Variants in C10orf90 observed in about 807,000 individuals in gnomAD.
C10orf90 encodes the protein (E2-independent) E3 ubiquitin-conjugating enzyme FATS.
C10orf90 carries 56 observed loss-of-function variants against 62.5 expected under a neutral mutation model. That is an observed-to-expected ratio of 0.90 (90% CI 0.72 to 1.12). The LOEUF is 1.12. C10orf90 is among the 50% of genes most tolerant of loss of function. C10orf90 has a pLI of 0.00. For missense variants in C10orf90, 970 were observed against 880.4 expected, an observed-to-expected ratio of 1.10 and a Z score of -1.29; for synonymous variants, 386 against 340.4, an observed-to-expected ratio of 1.13 and a Z score of -1.47.
chr10:126,565,553 T>C (rs1034630310), intron 2 of C10orf90, among the ~76,000 whole-genome samples: 1 of 149,358 alleles, frequency 6.7e-6, no homozygotes, highest in Non-Finnish European at 1.5e-5. Context: ...CCCTTCATTA[T>C]TAGCATCTGG....
At chr10:126,566,221 T>C (rs922758254) in intron 2 of C10orf90, among the ~76,000 whole-genome samples, 10 of 152,184 alleles carry the variant, frequency 6.6e-5, no homozygotes, top group African/African-American at 2.4e-5. Context: ...GATGGGGTTA[T>C]AGAATGGATC....
At chr10:126,579,196 A>C (rs1180354657) in intron 2 of C10orf90, among the ~76,000 whole-genome samples, 3 of 152,100 alleles carry the variant, frequency 2.0e-5, no homozygotes, top group Admixed American at 6.6e-5. Context: ...AGCCTTATCA[A>C]TCATTTACAT....
intron 4 of C10orf90, among the ~76,000 whole-genome samples, chr10:126,481,155 C>T (rs973586233): frequency 2.0e-5 from 3 of 152,222 alleles, no homozygotes; most frequent in Non-Finnish European, 2.9e-5. Context: ...CAGATCTTGG[C>T]TGAAATGTCA....
chr10:126,537,349 T>C (rs568519895), intron 2 of C10orf90, among the ~76,000 whole-genome samples: 1 of 152,346 alleles, frequency 6.6e-6, no homozygotes, highest in South Asian at 2.1e-4. Flanking sequence ...ACAGGTGGAA[T>C]GAGACAGTTT....
intron 2 of C10orf90, among the ~76,000 whole-genome samples, chr10:126,617,158 G>T (rs976367046): frequency 1.3e-5 from 2 of 152,162 alleles, no homozygotes; most frequent in African/African-American, 4.8e-5. Context: ...GTGTGGCGGG[G>T]TGAATTTTCT....
intron 1 of C10orf90, among the ~76,000 whole-genome samples, chr10:126,660,007 T>A (rs545898657): frequency 5.9e-5 from 9 of 152,386 alleles, no homozygotes; most frequent in Non-Finnish European, 8.8e-5. Context: ...CTTTGCCTCA[T>A]GGAGCTCCCA....
At chr10:126,667,559 C>A (rs1846656599) in intron 1 of C10orf90, among the ~76,000 whole-genome samples, 2 of 152,136 alleles carry the variant, frequency 1.3e-5, no homozygotes, top group African/African-American at 4.8e-5. Context: ...GCATCTCAGC[C>A]TGCACCTACC....
At chr10:126,461,343 T>A (rs1403858535) in intron 6 of C10orf90, 58 bp downstream of exon 6, 5 of 1,583,726 alleles carry the variant, frequency 3.2e-6, no homozygotes, top group Non-Finnish European at 4.3e-6. Context: ...GCTCACGGAC[T>A]CCCTAGGAAA....
At chr10:126,565,258 T>TA (rs1844337217) in intron 2 of C10orf90, among the ~76,000 whole-genome samples, 1 of 18,976 alleles carries the variant, frequency 5.3e-5, no homozygotes, top group African/African-American at 2.9e-4. Flanking sequence ...TATTATATTA[T>TA]ATATTTATAT....
chr10:126,462,722 G>A (rs1277772427), intron 5 of C10orf90, among the ~76,000 whole-genome samples: 1 of 152,156 alleles, frequency 6.6e-6, no homozygotes, highest in Non-Finnish European at 1.5e-5. Flanking sequence ...TCCGTGGGAT[G>A]CATCTCCATG....
chr10:126,565,425 T>A (rs1844359055), intron 2 of C10orf90, among the ~76,000 whole-genome samples: 2 of 16,272 alleles, frequency 1.2e-4, no homozygotes, highest in Admixed American at 7.9e-4. Context: ...ATTATATATA[T>A]TATATATATT....
Position 126,503,946 on chromosome 10 carries a change from G to C in C10orf90, c.1534+11C>G. On this transcript the variant is annotated intron_variant, in intron 4 of 9. Transcript: ENST00000488181. Reference sequence around the variant, plus strand: ...TCAGGTCACCCTCCTGCAGATGGACGCACCACTCACCTGCCCTGTAACTCC... The same window carrying C: ...TCAGGTCACCCTCCTGCAGATGGACCCACCACTCACCTGCCCTGTAACTCC... 6.3e-7 allele frequency: 1 copy of C among 1,599,488 alleles called. No individual in the cohort carries two copies.
intron 2 of C10orf90, chr10:126,524,825 G>A: frequency 1.0e-6 from 1 of 985,522 alleles, no homozygotes; most frequent in South Asian, 4.7e-5. Flanking sequence ...GTGTGAGAGG[G>A]AGGCAGTCTC....
chr10:126,617,354 T>C (rs1044907563), intron 2 of C10orf90, among the ~76,000 whole-genome samples: 2 of 152,196 alleles, frequency 1.3e-5, no homozygotes, highest in African/African-American at 4.8e-5. Flanking sequence ...TTGGCAAGAA[T>C]GAACACCACA....
chr10:126,482,290 T>G (rs1460330397), intron 4 of C10orf90, among the ~76,000 whole-genome samples: 1 of 152,226 alleles, frequency 6.6e-6, no homozygotes, highest in South Asian at 2.1e-4. Context: ...CCCTATACTA[T>G]GAATCTACTT....
intron 1 of C10orf90, among the ~76,000 whole-genome samples, chr10:126,666,561 G>T (rs948400130): frequency 1.3e-5 from 2 of 152,160 alleles, no homozygotes; most frequent in African/African-American, 4.8e-5. Flanking sequence ...GGGTGTGGGA[G>T]ATGAAAGGAG....
At chr10:126,536,399 T>G (rs1230466339) in intron 2 of C10orf90, among the ~76,000 whole-genome samples, 1 of 152,206 alleles carries the variant, frequency 6.6e-6, no homozygotes, top group East Asian at 1.9e-4. Flanking sequence ...ACTACTTTCC[T>G]TTCCTGACTA....
At chr10:126,557,646 A>G (rs963122863) in intron 2 of C10orf90, among the ~76,000 whole-genome samples, 1 of 151,998 alleles carries the variant, frequency 6.6e-6, no homozygotes, top group Non-Finnish European at 1.5e-5. Flanking sequence ...ATGTTGCAAA[A>G]CGTTTACAAA....
intron 1 of C10orf90, among the ~76,000 whole-genome samples, chr10:126,653,370 T>C (rs954911614): frequency 2.0e-4 from 31 of 152,252 alleles, no homozygotes; most frequent in African/African-American, 6.0e-4. Flanking sequence ...ATTTATAGAA[T>C]ATTCTAAGTT....
Sources: gnomAD v4.1 joint callset for allele counts (sites outside exome capture counted in the v4.1 genomes callset) on GRCh38, gnomAD v4.1.1 for gene constraint, MANE v1.5 for transcripts, NCBI Gene and HGNC (gene_info 2026-07-23, HGNC 2026-07-21) for gene names.